Variants in RALGDS observed in about 807,000 individuals in gnomAD.
RALGDS encodes ral guanine nucleotide dissociation stimulator.
In RALGDS, 44 loss-of-function variants were observed where a neutral mutation model predicts 99.8. The ratio of observed to expected loss-of-function variants is 0.44; its 90% CI spans 0.35 to 0.57. The LOEUF (loss-of-function observed/expected upper bound fraction) is 0.57, where lower values mean the gene tolerates loss of function less well. RALGDS is among the 20% of genes least tolerant of loss of function. The pLI is 0.01. For missense variants in RALGDS, 1,022 were observed against 1,203.1 expected (o/e 0.85, Z 2.23); for synonymous variants, 529 against 505.0 (o/e 1.05, Z -0.64).
At chr9:133,119,680 C>G (rs78125397) in intron 1 of RALGDS, among the ~76,000 whole-genome samples, 1,563 of 152,218 alleles carry the variant, frequency 0.01, 19 homozygotes, top group African/African-American at 0.035. Flanking sequence ...CTCCCACCCC[C>G]ACCCTCCCAG....
exon 1 of RALGDS, chr9:133,131,014 G>C (rs1283560486): frequency 5.2e-6 from 8 of 1,535,414 alleles, no homozygotes; most frequent in South Asian, 1.2e-5. Context: ...GCACAGGGCA[G>C]GGAGCAGAAC....
intron 1 of RALGDS, among the ~76,000 whole-genome samples, chr9:133,118,202 C>T (rs1831711766): frequency 1.3e-5 from 2 of 152,244 alleles, no homozygotes; most frequent in Non-Finnish European, 2.9e-5. Flanking sequence ...AGTCTGTACA[C>T]ATGCATGCAG....
intron 1 of RALGDS, chr9:133,129,026 A>G: frequency 7.7e-7 from 1 of 1,294,178 alleles, no homozygotes; most frequent in Non-Finnish European, 1.0e-6. Flanking sequence ...TCCTCCAACC[A>G]GTTCTGGCAG....
intron 1 of RALGDS, among the ~76,000 whole-genome samples, chr9:133,139,009 C>T (rs1455981214): frequency 6.6e-6 from 1 of 152,176 alleles, no homozygotes; most frequent in East Asian, 1.9e-4. Context: ...TGCTGTCCCT[C>T]CCCAGGCACC....
At position 133,101,951 on chromosome 9, in the gene RALGDS, C is replaced by T. The variant is rs2070499838; in HGVS notation, c.2198G>A (p.Gly733Asp). The stretch of plus-strand genomic sequence containing the variant: ...GCAGGCAGTCACCTTCTTTTCCTGG[C>T]CATCAGGAGACTCCGGGACGAAGCT... ...NISFVPESPDGQEKKFWESAS... is the reference protein window; with the variant it reads ...NISFVPESPDDQEKKFWESAS... The change falls in exon 15 of 18, where the codon GGC becomes GAC. Residue 733 changes from glycine (G) to aspartate (D), a missense_variant. Physicochemically the swap from Gly to Asp is moderately conservative, Grantham distance 94. Coordinates refer to ENST00000372050, the MANE Select transcript of RALGDS (RefSeq NM_006266.4). The T allele has an allele frequency of 3.2e-6, 5 of 1,551,202 alleles. No homozygotes were observed. The highest frequency in any genetic ancestry group is 2.4e-5 in the South Asian group (2 of 84,080).
At chr9:133,136,016 C>T (rs752721083), upstream of RALGDS, among the ~76,000 whole-genome samples, 1 of 152,122 alleles carries the variant, frequency 6.6e-6, no homozygotes, top group Non-Finnish European at 1.5e-5. Flanking sequence ...GAGTTTGTAG[C>T]CTGCACTGTC....
Position 133,102,572 on chromosome 9 carries a change from C to T in RALGDS, c.1914-1G>A. On this transcript the variant is annotated splice_acceptor_variant, in intron 13 of 17. Transcript: ENST00000372050. LOFTEE classifies it high-confidence loss of function. The stretch of plus-strand genomic sequence containing the variant: ...CTCCAGCTCGCACGACAGGTTGTAG[C>T]TATGAGCAGAGGGGCAGTGGTGTGA... The T allele has an allele frequency of 6.2e-7, 1 of 1,613,980 alleles. No homozygotes were observed. Among genetic ancestry groups the T allele is most frequent in the Non-Finnish European group, 8.5e-7 (1 of 1,179,982 alleles).
intron 1 of RALGDS, among the ~76,000 whole-genome samples, chr9:133,126,359 G>C (rs867451959): frequency 1.3e-5 from 2 of 152,256 alleles, no homozygotes; most frequent in Non-Finnish European, 2.9e-5. Context: ...TGAACTGACA[G>C]CTGGCAGCCA....
intron 1 of RALGDS, among the ~76,000 whole-genome samples, chr9:133,147,181 C>G (rs1302252961): frequency 6.6e-6 from 1 of 152,206 alleles, no homozygotes; most frequent in Admixed American, 6.5e-5. Flanking sequence ...TGCCTCCCAG[C>G]CCTGCCTGCT....
rs1403923021 is a variant in RALGDS at position 133,098,360 on chromosome 9, T to C, written c.*227A>G. On this transcript the variant is annotated 3_prime_UTR_variant, in exon 18 of 18. Coordinates refer to ENST00000372050, the MANE Select transcript of RALGDS (RefSeq NM_006266.4). ...CTCCTTGGCAAAAGTCAGCTAGTCC[T>C]CTGGTTCCAGAGAGCAGAAGGCACC... 1.7e-6 allele frequency: 1 copy of C among 578,264 alleles called. No homozygotes were observed. The highest frequency in any genetic ancestry group is 3.1e-6 in the Non-Finnish European group (1 of 323,552). The allele number at this position is 578,264 out of a possible 1,614,324, so 35.8% of individuals were successfully genotyped here.
chr9:133,121,667 C>A (rs981552993), upstream of RALGDS, among the ~76,000 whole-genome samples: 1 of 152,234 alleles, frequency 6.6e-6, no homozygotes, highest in Non-Finnish European at 1.5e-5. Flanking sequence ...CTGTGGCCTT[C>A]CACAAGTTGC....
At position 133,108,830 on chromosome 9, in the gene RALGDS, C is replaced by T; in HGVS notation, c.621G>A (p.Gln207=). The T allele has an allele frequency of 6.2e-7, 1 of 1,613,178 alleles. No individual in the cohort carries two copies. Among genetic ancestry groups the T allele is most frequent in the Non-Finnish European group, 8.5e-7 (1 of 1,179,960 alleles). Residue 207 remains glutamine, a synonymous_variant, in exon 5 of 18, where the codon CAG becomes CAA. Transcript: ENST00000372050. ...ISSILGTWLD[Q]YSEDFCQPPD... ...GAGGTTGACAGAAATCCTCCGAGTA[C>T]TGGTCCAGCCAGGTGCCCAGGATGG...
At chr9:133,140,806 G>A (rs1334725766) in intron 1 of RALGDS, among the ~76,000 whole-genome samples, 1 of 152,138 alleles carries the variant, frequency 6.6e-6, no homozygotes, top group Non-Finnish European at 1.5e-5. Flanking sequence ...CGCCTCATCC[G>A]CCCGCCTTCT....
intron 17 of RALGDS, 27 bp from the exon 18 acceptor site, chr9:133,098,789 C>A: frequency 6.2e-7 from 1 of 1,612,304 alleles, no homozygotes; most frequent in South Asian, 1.1e-5. Flanking sequence ...GAGGGGTGAT[C>A]AGGGATGCTC....
chr9:133,103,523 A>G (rs1214585431), intron 11 of RALGDS, among the ~76,000 whole-genome samples: 2 of 152,082 alleles, frequency 1.3e-5, no homozygotes, highest in African/African-American at 2.4e-5. Flanking sequence ...CTGACCGCTG[A>G]GGGCCTGGCT....
At chr9:133,142,669 T>C (rs969597199) in intron 1 of RALGDS, among the ~76,000 whole-genome samples, 2 of 152,158 alleles carry the variant, frequency 1.3e-5, no homozygotes, top group Non-Finnish European at 2.9e-5. Context: ...CTAAGACTCT[T>C]TGAGGCTCCA....
At chr9:133,104,893 T>C (rs948817255) in intron 9 of RALGDS, among the ~76,000 whole-genome samples, 4 of 152,118 alleles carry the variant, frequency 2.6e-5, no homozygotes, top group Non-Finnish European at 4.4e-5. Context: ...CACACTCCTT[T>C]CTCCCTTGAA....
intron 10 of RALGDS, 80 bp from the exon 11 acceptor site, chr9:133,103,913 TG>T: frequency 7.2e-7 from 1 of 1,396,192 alleles, no homozygotes; most frequent in Non-Finnish European, 1.0e-6. Context: ...TGGTCTCACT[TG>T]GAACAGCTGG....
chr9:133,130,402 C>T lies in RALGDS; in HGVS notation c.132+550G>A, dbSNP rs865866741. On this transcript the variant is annotated intron_variant, in intron 1 of 17. Transcript: ENST00000372062. ...GTGGTAAGATTACAGGTGTGAGCCA[C>T]CGCACCCGGCCACAAGATTTCATTT... Among the ~76,000 whole-genome samples the T allele has an allele frequency of 3.9e-5, 6 of 152,322 alleles. No individual in the cohort carries two copies. In the South Asian group the frequency reaches 8.3e-4, roughly 21 times the overall value.
Sources: allele counts gnomAD v4.1 joint callset (sites outside exome capture counted in the v4.1 genomes callset), GRCh38; gene constraint gnomAD v4.1.1; transcripts MANE v1.5; gene names NCBI Gene and HGNC (gene_info 2026-07-23, HGNC 2026-07-21).